ERICH6: variants seen among roughly 807,000 people sequenced by gnomAD.
ERICH6 encodes the protein glutamate rich 6.
In ERICH6, 71 loss-of-function variants were observed where a neutral mutation model predicts 71.0. That is an observed-to-expected ratio of 1.00 (90% confidence interval 0.83 to 1.22). The LOEUF is 1.22. Ranked by LOEUF, ERICH6 falls within the 50% of genes most tolerant of loss-of-function variation. ERICH6 has a pLI of 0.00. For synonymous variants in ERICH6, 262 were observed against 278.4 expected (o/e 0.94, Z 0.59); for missense variants, 808 against 797.2 (o/e 1.01, Z -0.16).
intron 6 of ERICH6, 66 bp downstream of exon 6, chr3:150,685,676 C>A (rs1712152143): frequency 1.5e-6 from 2 of 1,300,880 alleles, no homozygotes; most frequent in Non-Finnish European, 2.2e-6. Flanking sequence ...GTCTATTGTG[C>A]AAATCATTAT....
Position 150,666,821 on chromosome 3 carries a change from T to C in ERICH6, c.1694A>G (p.Gln565Arg), listed in dbSNP as rs1331790794. The change falls in exon 13 of 14, where the codon CAA becomes CGA. Residue 565 changes from glutamine (Q) to arginine (R), a missense_variant. By Grantham distance (43) the Gln-to-Arg change is conservative (BLOSUM62 1). This residue lies in a region of ERICH6 where 736 missense variants were observed against 712.2 expected (regional missense o/e 1.03). Coordinates refer to ENST00000295910, the MANE Select transcript of ERICH6 (RefSeq NM_152394.5). ...KISITFLAMG[Q>R]QARISVGTKV... ...GGTTCCAACACTGATTCTTGCCTGT[T>C]GGCCCATTGCTAGAAAAGTTATAGA... 1 of 1,614,074 alleles carries C rather than the reference T, an allele frequency of 6.2e-7. No homozygotes were observed. The highest frequency in any genetic ancestry group is 2.2e-5 in the East Asian group (1 of 44,882).
At chr3:150,679,878 G>A (rs961701646) in intron 9 of ERICH6, among the ~76,000 whole-genome samples, 1 of 152,114 alleles carries the variant, frequency 6.6e-6, no homozygotes, top group East Asian at 1.9e-4. Context: ...GGCTGATCTC[G>A]AACTCCTGAC....
intron 10 of ERICH6, among the ~76,000 whole-genome samples, chr3:150,677,190 A>G (rs1219162077): frequency 1.3e-5 from 2 of 151,308 alleles, no homozygotes; most frequent in African/African-American, 2.4e-5. Flanking sequence ...TGATCCTCCC[A>G]CCTTAGCCTC....
intron 13 of ERICH6, 48 bp downstream of exon 13, chr3:150,666,739 C>T (rs1190127463): frequency 1.3e-6 from 2 of 1,519,618 alleles, no homozygotes; most frequent in African/African-American, 1.4e-5. Context: ...TTAGTTTACT[C>T]TTATTATTAT....
At chr3:150,674,099 C>T (rs368805292) in intron 10 of ERICH6, 58 bp from the exon 11 acceptor site, 87 of 1,403,842 alleles carry the variant, frequency 6.2e-5, no homozygotes, top group African/African-American at 3.6e-4. Context: ...GTAGTAAGTA[C>T]GACAACAATG....
At chr3:150,677,429 G>T (rs1052386222) in intron 10 of ERICH6, among the ~76,000 whole-genome samples, 4 of 151,762 alleles carry the variant, frequency 2.6e-5, no homozygotes, top group African/African-American at 4.8e-5. Context: ...AGAAAAATGG[G>T]TTAAACTACA....
At chr3:150,668,783 A>C (rs2108043020) in intron 12 of ERICH6, among the ~76,000 whole-genome samples, 1 of 152,334 alleles carries the variant, frequency 6.6e-6, no homozygotes, top group Middle Eastern at 3.4e-3. Flanking sequence ...ATAGTAGGTT[A>C]AATTGGGACC....
chr3:150,687,857 C>T (rs901300785), intron 3 of ERICH6, among the ~76,000 whole-genome samples: 1 of 149,658 alleles, frequency 6.7e-6, no homozygotes, highest in Admixed American at 6.6e-5. Context: ...GTAGCTCATG[C>T]CTGTAATCCC....
At chr3:150,670,452 A>T (rs887798718) in intron 11 of ERICH6, among the ~76,000 whole-genome samples, 14 of 146,656 alleles carry the variant, frequency 9.5e-5, no homozygotes, top group Non-Finnish European at 1.8e-4. Context: ...ACTGCACTCT[A>T]GCCTGGGTGA....
At chr3:150,682,017 G>A (rs1711976684) in intron 7 of ERICH6, among the ~76,000 whole-genome samples, 1 of 151,952 alleles carries the variant, frequency 6.6e-6, no homozygotes, top group South Asian at 2.1e-4. Flanking sequence ...GTTTCACCGT[G>A]TTGCCCAGGC....
intron 11 of ERICH6, among the ~76,000 whole-genome samples, chr3:150,672,850 C>T (rs1283056864): frequency 6.6e-6 from 1 of 151,690 alleles, no homozygotes; most frequent in Non-Finnish European, 1.5e-5. Flanking sequence ...CATAGAGAGA[C>T]CCCATCTCTA....
chr3:150,703,208 G>C (rs1712984430), intron 1 of ERICH6, among the ~76,000 whole-genome samples: 1 of 151,074 alleles, frequency 6.6e-6, no homozygotes, highest in African/African-American at 2.5e-5. Flanking sequence ...CTGGGCGACA[G>C]AGCGAGACTC....
Position 150,680,899 on chromosome 3 carries a change from A to G in ERICH6, c.914T>C (p.Ile305Thr). 2.5e-6 allele frequency: 4 copies of G among 1,612,192 alleles called. No homozygotes were observed. The highest frequency in any genetic ancestry group is 3.4e-6 in the Non-Finnish European group (4 of 1,179,474). Residue 305 changes from isoleucine (I) to threonine (T), a missense_variant, in exon 8 of 14, where the codon ATT (isoleucine) becomes ACT (threonine). Coordinates refer to ENST00000295910, the MANE Select transcript of ERICH6 (RefSeq NM_152394.5). ...TATTTGCTCCTCATAGATATAGTCA[A>G]TCAGATTTTGGAAAGCAATACAACA... is the stretch of plus-strand genomic sequence containing the variant. ...ASCCIAFQNLIDYIYEEQIKT... is the reference protein window; with the variant it reads ...ASCCIAFQNLTDYIYEEQIKT...
intron 2 of ERICH6, among the ~76,000 whole-genome samples, chr3:150,700,572 TTTA>T (rs567152722): frequency 5.9e-4 from 89 of 151,700 alleles, no homozygotes; most frequent in South Asian, 4.0e-3. Context: ...AAAAGTTTAT[TTTA>T]TTATTATTAT....
chr3:150,690,224 C>T lies in ERICH6; in HGVS notation c.554-3870G>A, dbSNP rs146062592. On this transcript the variant is annotated intron_variant, in intron 3 of 13. Coordinates refer to ENST00000295910, the MANE Select transcript of ERICH6 (RefSeq NM_152394.5). ...TTTTATAATTTTATGTTTGATTTGG[C>T]ATCCATCTTTAATCTCCCTCTAGCA... 3.7e-3 allele frequency among the ~76,000 whole-genome samples: 570 copies of T among 152,232 alleles called. 5 individuals are homozygous for T. Among genetic ancestry groups the T allele is most frequent in the African/African-American group, 0.013 (546 of 41,550 alleles).
chr3:150,703,155 G>A (rs1411447726), intron 1 of ERICH6, among the ~76,000 whole-genome samples: 1 of 151,842 alleles, frequency 6.6e-6, no homozygotes, highest in African/African-American at 2.4e-5. Flanking sequence ...GCGGTGGGAG[G>A]CTTGAGCCCA....
chr3:150,699,337 C>T (rs777186039), intron 2 of ERICH6, among the ~76,000 whole-genome samples: 1 of 152,032 alleles, frequency 6.6e-6, no homozygotes, highest in African/African-American at 2.4e-5. Flanking sequence ...ACAAATAAAC[C>T]ATGACCATAC....
chr3:150,681,198 CCTTT>C (rs1711916481), intron 7 of ERICH6, among the ~76,000 whole-genome samples: 1 of 152,212 alleles, frequency 6.6e-6, no homozygotes, highest in African/African-American at 2.4e-5. Context: ...CACTTCCTCT[CCTTT>C]CTTCTTCACA....
At chr3:150,665,726 G>A (rs1331894816) in intron 13 of ERICH6, among the ~76,000 whole-genome samples, 1 of 150,880 alleles carries the variant, frequency 6.6e-6, no homozygotes, top group Non-Finnish European at 1.5e-5. Flanking sequence ...ACTCAGGACG[G>A]TGAGGCAGGA....
Sources: allele counts gnomAD v4.1 joint callset (sites outside exome capture counted in the v4.1 genomes callset), GRCh38; gene constraint gnomAD v4.1.1; regional missense constraint gnomAD v4.1.1; transcripts MANE v1.5; gene names NCBI Gene and HGNC (gene_info 2026-07-23, HGNC 2026-07-21).